Variants in BBS1 observed in about 807,000 individuals in gnomAD.
BBS1 encodes the protein BBSome complex member BBS1.
Under a neutral mutation model 73.9 loss-of-function variants are expected in BBS1, and 60 were observed. The ratio of observed to expected loss-of-function variants is 0.81; its 90% CI spans 0.66 to 1.01. BBS1 has a LOEUF of 1.01. BBS1 is among the 50% of genes least tolerant of loss of function. The probability of loss-of-function intolerance (pLI) is 0.00; values close to 1 mark genes in which losing one functional copy is unlikely to be tolerated. For synonymous variants in BBS1, 283 were observed against 317.4 expected, an observed-to-expected ratio of 0.89 and a Z score of 1.15; for missense variants, 718 against 770.3, an observed-to-expected ratio of 0.93 and a Z score of 0.80.
At chr11:66,514,047 A>G (rs1856001094) in intron 3 of BBS1, among the ~76,000 whole-genome samples, 1 of 152,128 alleles carries the variant, frequency 6.6e-6, no homozygotes, top group Non-Finnish European at 1.5e-5. Flanking sequence ...TCCCACACTG[A>G]CCTCTACCAC....
At chr11:66,524,693 C>T (rs1472165746) in intron 11 of BBS1, among the ~76,000 whole-genome samples, 2 of 152,150 alleles carry the variant, frequency 1.3e-5, no homozygotes, top group Non-Finnish European at 2.9e-5. Flanking sequence ...TTTTCAGACT[C>T]TAAGTTGTGA....
In BBS1 at chr11:66,527,889, A is replaced by G. The variant is rs74367020; in HGVS notation, c.1339+1082A>G. On this transcript the variant is annotated intron_variant, in intron 13 of 16. Coordinates refer to ENST00000318312, the MANE Select transcript of BBS1 (RefSeq NM_024649.5). ...AAAGATGATAGCCAGACCCCCAGAC[A>G]GGGCAGGGCAGGGTAATATAGGCAG... 6.9e-3 allele frequency among the ~76,000 whole-genome samples: 1,056 copies of G among 152,192 alleles called. 61 individuals carry two copies. In the East Asian group the frequency reaches 0.14, roughly 20 times the overall value.
At chr11:66,515,508 A>T (rs1856029814) in intron 4 of BBS1, 32 bp from the exon 5 acceptor site, 1 of 1,613,302 alleles carries the variant, frequency 6.2e-7, no homozygotes, top group African/African-American at 1.3e-5. Context: ...GCCTGGCTTG[A>T]GCTCACAGGC....
intron 7 of BBS1, among the ~76,000 whole-genome samples, chr11:66,518,454 C>G (rs1030086473): frequency 3.0e-5 from 4 of 133,606 alleles, no homozygotes; most frequent in Non-Finnish European, 4.9e-5. Context: ...GATGAGGTTT[C>G]TTTTTTTTTT....
intron 14 of BBS1, among the ~76,000 whole-genome samples, chr11:66,530,176 A>G (rs1418200227): frequency 6.6e-6 from 1 of 152,042 alleles, no homozygotes; most frequent in African/African-American, 2.4e-5. Context: ...TCGGCTGGCC[A>G]TGCCGTGGGA....
intron 9 of BBS1, 146 bp downstream of exon 9, chr11:66,521,522 A>G: frequency 1.4e-6 from 1 of 715,840 alleles, no homozygotes; most frequent in Non-Finnish European, 2.5e-6. Flanking sequence ...TGAGCCCACA[A>G]ACACAGGGGA....
chr11:66,511,963 A>T (rs1366401521), intron 3 of BBS1, among the ~76,000 whole-genome samples: 1 of 148,230 alleles, frequency 6.7e-6, no homozygotes, highest in Non-Finnish European at 1.5e-5. Context: ...ATGCCACTAC[A>T]CTCCAGCCTG....
At position 66,523,512 on chromosome 11, in the gene BBS1, T is replaced by A; in HGVS notation, c.887T>A (p.Ile296Asn). Reference sequence around the variant, plus strand: ...CTGAGCGCCCAGCCTGTGGGACTTATCCGGGTACACAAGGTCCTAGTGGTG... The same window carrying A: ...CTGAGCGCCCAGCCTGTGGGACTTAACCGGGTACACAAGGTCCTAGTGGTG... Reference protein sequence around the residue: ...IELSAQPVGLIRVHKVLVVGS... With the variant: ...IELSAQPVGLNRVHKVLVVGS... The change falls in exon 10 of 17, where the codon ATC (isoleucine) becomes AAC (asparagine). Residue 296 changes from isoleucine (I) to asparagine (N), a missense_variant. Ile to Asn is a moderately radical substitution (Grantham distance 149, BLOSUM62 -3). Transcript: ENST00000318312. 6.2e-7 allele frequency: 1 copy of A among 1,614,074 alleles called. No homozygotes were observed. The highest frequency in any genetic ancestry group is 8.5e-7 in the Non-Finnish European group (1 of 1,179,994).
At chr11:66,522,984 C>T (rs1453245043) in intron 9 of BBS1, 1 of 368,492 alleles carries the variant, frequency 2.7e-6, no homozygotes, top group East Asian at 7.2e-5. Context: ...GGCGTGTGCT[C>T]CTCGAATAGA....
At chr11:66,515,977 A>G in intron 7 of BBS1, 44 bp downstream of exon 7, 1 of 1,604,240 alleles carries the variant, frequency 6.2e-7, no homozygotes, top group Non-Finnish European at 8.5e-7. Flanking sequence ...AAAAATTTAC[A>G]TTTTTTTAAA....
In BBS1 at chr11:66,519,751, C is replaced by G; in HGVS notation, c.723+3C>G. On this transcript the variant is annotated splice_donor_region_variant and intron_variant, in intron 8 of 16. Transcript: ENST00000318312. ...AGGCCTTCACCATTTTAGCCAAGGT[C>G]AGCGTCAGGTCTGGCCCTGGGCCCG... is the stretch of plus-strand genomic sequence containing the variant. 1 of 1,613,048 alleles carries G rather than the reference C, an allele frequency of 6.2e-7. No individual in the cohort carries two copies. The highest frequency in any genetic ancestry group is 8.5e-7 in the Non-Finnish European group (1 of 1,179,900).
intron 14 of BBS1, 134 bp downstream of exon 14, chr11:66,530,086 G>A (rs989149639): frequency 1.1e-5 from 14 of 1,286,298 alleles, no homozygotes; most frequent in African/African-American, 1.5e-5. Flanking sequence ...TCACCTTCCC[G>A]CAGACCTGGG....
intron 11 of BBS1, among the ~76,000 whole-genome samples, chr11:66,525,544 A>C (rs1856453148): frequency 6.6e-6 from 1 of 152,146 alleles, no homozygotes; most frequent in Non-Finnish European, 1.5e-5. Flanking sequence ...AGCCTGGGCA[A>C]TGAAGTGAGA....
In BBS1 at chr11:66,526,745, A is replaced by C; in HGVS notation, c.1277A>C (p.Asn426Thr). The change falls in exon 13 of 17, where the codon AAT becomes ACT. Residue 426 changes from asparagine (N) to threonine (T), a missense_variant. By Grantham distance (65) the Asn-to-Thr change is moderately conservative. Transcript: ENST00000318312. ...CCACCAGCCCAGGCCATGAAACTCA[A>C]TGTGCCCCGAAAGACCCGGCTTTAC... ...GPPPAQAMKL[N>T]VPRKTRLYVD... 1 of 1,614,210 alleles carries C rather than the reference A, an allele frequency of 6.2e-7. No homozygotes were observed. The highest frequency in any genetic ancestry group is 8.5e-7 in the Non-Finnish European group (1 of 1,180,028).
chr11:66,529,759 GCTGCCTCCTCC>G, intron 13 of BBS1, 49 bp from the exon 14 acceptor site: 2 of 1,600,654 alleles, frequency 1.2e-6, no homozygotes, highest in Non-Finnish European at 1.7e-6. Context: ...GTGCCCCGTT[GCTGCCTCCTCC>G]CTGCCACCCC....
chr11:66,525,781 ATTGGAGGTTTTC>A (rs1856463644), intron 11 of BBS1, among the ~76,000 whole-genome samples: 1 of 152,204 alleles, frequency 6.6e-6, no homozygotes, highest in Non-Finnish European at 1.5e-5. Flanking sequence ...AACAAAAGCC[ATTGGAGGTTTTC>A]TATCAGAGAC....
chr11:66,516,106 C>T (rs1016124422), intron 7 of BBS1, among the ~76,000 whole-genome samples, 173 bp downstream of exon 7: 1 of 150,336 alleles, frequency 6.7e-6, no homozygotes, highest in African/African-American at 2.5e-5. Flanking sequence ...TTCCACATTC[C>T]AGTTAGTAGT....
chr11:66,513,689 T>C (rs901080806), intron 3 of BBS1, among the ~76,000 whole-genome samples: 4 of 152,142 alleles, frequency 2.6e-5, no homozygotes, highest in African/African-American at 7.2e-5. Flanking sequence ...TTAAAAATAA[T>C]AAGACTGTTG....
chr11:66,526,518 A>T, intron 12 of BBS1, 131 bp from the exon 13 acceptor site: 1 of 1,160,056 alleles, frequency 8.6e-7, no homozygotes, highest in Non-Finnish European at 1.3e-6. Context: ...TTACTTCCAG[A>T]AACAGTCTCG....
Sources: allele counts gnomAD v4.1 joint callset (sites outside exome capture counted in the v4.1 genomes callset), GRCh38; gene constraint gnomAD v4.1.1; transcripts MANE v1.5; gene names NCBI Gene and HGNC (gene_info 2026-07-23, HGNC 2026-07-21).